HMCN1: variants seen among roughly 807,000 people sequenced by gnomAD.
HMCN1 encodes hemicentin-1.
HMCN1 carries 321 observed loss-of-function variants against 625.9 expected under a neutral mutation model. That is an observed-to-expected ratio of 0.51 (90% confidence interval 0.47 to 0.56). The LOEUF is 0.56. Ranked by LOEUF, HMCN1 falls within the 20% of genes least tolerant of loss-of-function variation. HMCN1 has a pLI of 0.00. For missense variants in HMCN1, 6,588 were observed against 6,887.3 expected (o/e 0.96, Z 1.54); for synonymous variants, 2,425 against 2,417.6 (o/e 1.00, Z -0.09).
intron 4 of HMCN1, among the ~76,000 whole-genome samples, chr1:185,868,601 T>C (rs1458939361): frequency 6.6e-6 from 1 of 152,164 alleles, no homozygotes; most frequent in Non-Finnish European, 1.5e-5. Flanking sequence ...TTATAAGTTT[T>C]CTGAGGCCTC....
intron 30 of HMCN1, among the ~76,000 whole-genome samples, chr1:186,011,509 T>C (rs1020257028): frequency 6.6e-6 from 1 of 152,248 alleles, no homozygotes; most frequent in Non-Finnish European, 1.5e-5. Context: ...ATTCTCTTGA[T>C]ATTTGACTGC....
At chr1:185,790,658 A>C (rs1201088056) in intron 1 of HMCN1, among the ~76,000 whole-genome samples, 1 of 152,188 alleles carries the variant, frequency 6.6e-6, no homozygotes, top group Admixed American at 6.5e-5. Flanking sequence ...ATTTTTCCTT[A>C]TGAAGGACTC....
intron 11 of HMCN1, among the ~76,000 whole-genome samples, chr1:185,938,765 T>C (rs955743529): frequency 6.6e-6 from 1 of 152,176 alleles, no homozygotes; most frequent in Non-Finnish European, 1.5e-5. Flanking sequence ...GCCATACCAT[T>C]TCTACCTGAT....
chr1:185,746,444 G>A (rs1015217769), intron 1 of HMCN1, among the ~76,000 whole-genome samples: 2 of 152,152 alleles, frequency 1.3e-5, no homozygotes, highest in African/African-American at 4.8e-5. Flanking sequence ...TGGTAGGGTA[G>A]TGAAGGCTGT....
At chr1:186,141,773 A>G (rs376489314) in intron 89 of HMCN1, among the ~76,000 whole-genome samples, 3 of 152,304 alleles carry the variant, frequency 2.0e-5, no homozygotes, top group East Asian at 3.9e-4. Context: ...TATTATTTGC[A>G]TATTGCAGAT....
In HMCN1 at chr1:185,802,305, A is replaced by C. The variant is rs1022677417; in HGVS notation, c.269-43721A>C. 5.9e-5 allele frequency among the ~76,000 whole-genome samples: 9 copies of C among 152,296 alleles called. No individual in the cohort carries two copies. In the East Asian group the frequency reaches 1.5e-3, roughly 26 times the overall value. ...TGAAATGATAAATTTTTGTTTTGAC[A>C]CATCAAACTACAGATGATTTAGGGA... On this transcript the variant is annotated intron_variant, in intron 1 of 106. Coordinates refer to ENST00000271588, the MANE Select transcript of HMCN1 (RefSeq NM_031935.3).
intron 38 of HMCN1, among the ~76,000 whole-genome samples, 184 bp downstream of exon 38, chr1:186,039,189 C>G (rs1237263650): frequency 6.6e-6 from 1 of 152,100 alleles, no homozygotes; most frequent in African/African-American, 2.4e-5. Flanking sequence ...GCTCAATTTC[C>G]ACATGCTGTT....
chr1:186,090,941 A>T, intron 64 of HMCN1, 24 bp downstream of exon 64: 1 of 1,605,906 alleles, frequency 6.2e-7, no homozygotes, highest in Non-Finnish European at 8.5e-7. Flanking sequence ...TAATCTTTCC[A>T]TTATAAATTG....
intron 68 of HMCN1, among the ~76,000 whole-genome samples, chr1:186,098,534 A>G (rs1660244114): frequency 6.6e-6 from 1 of 152,118 alleles, no homozygotes; most frequent in African/African-American, 2.4e-5. Flanking sequence ...AAAAGATAAG[A>G]GATAACAAGA....
At chr1:185,896,137 G>T (rs946990653) in intron 4 of HMCN1, among the ~76,000 whole-genome samples, 1 of 151,764 alleles carries the variant, frequency 6.6e-6, no homozygotes, top group East Asian at 1.9e-4. Context: ...AGGGTTTCAC[G>T]GTGTTAGCCA....
In HMCN1 at chr1:186,171,407, T is replaced by C; in HGVS notation, c.15645T>C (p.Cys5215=). ...TCAATGCCATAGGAAGTTTCCATTGTGGATGTGAACCTGGGTATCAGCTCA... is the reference window on the plus strand; with the variant it reads ...TCAATGCCATAGGAAGTTTCCATTGCGGATGTGAACCTGGGTATCAGCTCA... The part of the protein sequence containing the change: ...RCFNAIGSFH[C]GCEPGYQLKG... Residue 5215 remains cysteine (C), a synonymous_variant, in exon 101 of 107, where the codon TGT becomes TGC. Transcript: ENST00000271588. 1.2e-6 allele frequency: 2 copies of C among 1,613,558 alleles called. No individual in the cohort carries two copies. Among genetic ancestry groups the C allele is most frequent in the Non-Finnish European group, 1.7e-6 (2 of 1,179,548 alleles).
At chr1:186,040,923 T>C in intron 39 of HMCN1, 90 bp from the exon 40 acceptor site, 1 of 1,422,080 alleles carries the variant, frequency 7.0e-7, no homozygotes, top group Middle Eastern at 2.2e-4. Context: ...AAATGTCAAC[T>C]GATAAGCCTC....
chr1:185,951,644 C>T (rs1310663926), intron 11 of HMCN1, among the ~76,000 whole-genome samples: 4 of 151,808 alleles, frequency 2.6e-5, no homozygotes, highest in African/African-American at 9.7e-5. Flanking sequence ...GAGTGGCTGC[C>T]AGGTGAGTTG....
intron 1 of HMCN1, among the ~76,000 whole-genome samples, chr1:185,813,134 G>GC (rs1253128113): frequency 1.3e-5 from 2 of 152,056 alleles, no homozygotes; most frequent in African/African-American, 2.4e-5. Context: ...ATGGGACTTG[G>GC]CCCCATAATA....
In HMCN1 at chr1:186,004,301, G is replaced by A. The variant is rs191793515; in HGVS notation, c.4475+457G>A. ...AGGACTGCTGAGGTGTGCCTACATC[G>A]AAATGGCTGCAGTGGTCTGTATTGG... is the stretch of plus-strand genomic sequence containing the variant. On this transcript the variant is annotated intron_variant, in intron 29 of 106. Coordinates refer to ENST00000271588, the MANE Select transcript of HMCN1 (RefSeq NM_031935.3). Among the ~76,000 whole-genome samples the A allele has an allele frequency of 3.1e-4, 47 of 152,216 alleles. 1 individual carries two copies. In the East Asian group the frequency reaches 7.3e-3, roughly 24 times the overall value.
chr1:185,949,238 T>C (rs900858084), intron 11 of HMCN1, among the ~76,000 whole-genome samples: 2 of 151,790 alleles, frequency 1.3e-5, no homozygotes, highest in African/African-American at 2.4e-5. Context: ...GAGCAGGGCA[T>C]GTATGAGTAG....
chr1:185,889,249 C>T (rs1468714524), intron 4 of HMCN1, among the ~76,000 whole-genome samples: 2 of 144,246 alleles, frequency 1.4e-5, no homozygotes, highest in Admixed American at 6.8e-5. Flanking sequence ...ATCATGTCAT[C>T]TGCAAACAGG....
At chr1:185,785,293 C>T (rs2102186178) in intron 1 of HMCN1, among the ~76,000 whole-genome samples, 1 of 152,294 alleles carries the variant, frequency 6.6e-6, no homozygotes, top group South Asian at 2.1e-4. Flanking sequence ...CTCTTCCTGA[C>T]TTCTCTGGTG....
chr1:186,112,991 C>T (rs748863745), intron 72 of HMCN1, 38 bp downstream of exon 72: 2 of 1,609,434 alleles, frequency 1.2e-6, no homozygotes. Flanking sequence ...ATTTAAAAAT[C>T]TGACCAAGGG....
Sources: allele counts gnomAD v4.1 joint callset (sites outside exome capture counted in the v4.1 genomes callset), GRCh38; gene constraint gnomAD v4.1.1; transcripts MANE v1.5; gene names NCBI Gene and HGNC (gene_info 2026-07-23, HGNC 2026-07-21).